Variants in BSPRY observed in about 807,000 individuals in gnomAD.
BSPRY encodes B-box and SPRY domain containing, also known as B box and SPRY domain-containing protein.
Under a neutral mutation model 38.0 loss-of-function variants are expected in BSPRY, and 33 were observed. The observed-to-expected ratio is 0.87, with a 90% CI of 0.66 to 1.16. The LOEUF (loss-of-function observed/expected upper bound fraction) is 1.16, where lower values mean the gene tolerates loss of function less well. Ranked by LOEUF, BSPRY falls within the 50% of genes most tolerant of loss-of-function variation. The probability of loss-of-function intolerance (pLI) is 0.00; values close to 1 mark genes in which losing one functional copy is unlikely to be tolerated. For missense variants in BSPRY, 523 were observed against 533.2 expected, an observed-to-expected ratio of 0.98 and a Z score of 0.19; for synonymous variants, 224 against 228.5, an observed-to-expected ratio of 0.98 and a Z score of 0.18.
chr9:113,362,116 G>A (rs536491637), intron 3 of BSPRY, among the ~76,000 whole-genome samples: 1 of 152,124 alleles, frequency 6.6e-6, no homozygotes, highest in African/African-American at 2.4e-5. Context: ...GGAGTTGAGG[G>A]GAATCCAGGA....
chr9:113,363,488 C>T (rs1834188150), intron 4 of BSPRY, among the ~76,000 whole-genome samples: 1 of 152,076 alleles, frequency 6.6e-6, no homozygotes, highest in Non-Finnish European at 1.5e-5. Context: ...ATTACCCTTT[C>T]CCAATCCTAT....
At position 113,369,774 on chromosome 9, in the gene BSPRY, T is replaced by G. The variant is rs552798374; in HGVS notation, c.841T>G (p.Phe281Val). Residue 281 changes from phenylalanine to valine, a missense_variant, in exon 6 of 6, where the codon TTC becomes GTC. By Grantham distance (50) the Phe-to-Val change is conservative. Coordinates refer to ENST00000374183, the MANE Select transcript of BSPRY (RefSeq NM_017688.3). ...GCCCAATGCCCTGGCTGCCACCTCCTTCCAGAATGGGCTCCATGCCTGGAT... is the reference window on the plus strand; with the variant it reads ...GCCCAATGCCCTGGCTGCCACCTCCGTCCAGAATGGGCTCCATGCCTGGAT... The part of the protein sequence containing the change: ...HWPNALAATS[F>V]QNGLHAWMVN... The G allele has an allele frequency of 6.2e-7, 1 of 1,614,224 alleles. No individual in the cohort carries two copies. Among genetic ancestry groups the G allele is most frequent in the East Asian group, 2.2e-5 (1 of 44,884 alleles).
intron 4 of BSPRY, among the ~76,000 whole-genome samples, chr9:113,364,947 G>GT (rs144272713): frequency 0.021 from 2,767 of 134,526 alleles, 91 homozygotes; most frequent in East Asian, 0.19. Flanking sequence ...TCCTTAGCTT[G>GT]TTTTTTTTTT....
At position 113,354,356 on chromosome 9, in the gene BSPRY, C is replaced by G; in HGVS notation, c.300+18C>G. ...GAGCAGTGGTAATTCCTCTTCTTTC[C>G]TCTCTACTCAGCCCCCTCCCAGGAT... On this transcript the variant is annotated intron_variant, in intron 2 of 5. Coordinates refer to ENST00000374183, the MANE Select transcript of BSPRY (RefSeq NM_017688.3). 2 of 1,603,134 alleles carry G rather than the reference C, an allele frequency of 1.2e-6. No homozygotes were observed. Among genetic ancestry groups the G allele is most frequent in the African/African-American group, 1.3e-5 (1 of 74,760 alleles).
chr9:113,369,995 G>C lies in BSPRY; in HGVS notation c.1062G>C (p.Leu354=), dbSNP rs3750529. The change falls in exon 6 of 6, where the codon CTG becomes CTC. Residue 354 remains leucine (L), a synonymous_variant. Transcript: ENST00000374183. ...PLGLLRGPAQ[L]GVVLDLQVQE... ...GGCTGCTGCGGGGCCCAGCCCAGCT[G>C]GGTGTAGTGCTGGACTTGCAGGTTC... The C allele has an allele frequency of 1.9e-6, 3 of 1,614,118 alleles. No individual in the cohort carries two copies. Among genetic ancestry groups the C allele is most frequent in the Non-Finnish European group, 2.5e-6 (3 of 1,180,036 alleles).
chr9:113,365,106 G>T, intron 4 of BSPRY, among the ~76,000 whole-genome samples: 1 of 152,126 alleles, frequency 6.6e-6, no homozygotes, highest in African/African-American at 2.4e-5. Flanking sequence ...ATCATATCTG[G>T]GGGCACATGA....
At chr9:113,353,897 A>G (rs1018268210) in intron 1 of BSPRY, among the ~76,000 whole-genome samples, 1 of 152,186 alleles carries the variant, frequency 6.6e-6, no homozygotes, top group Non-Finnish European at 1.5e-5. Flanking sequence ...TAAAGTTATT[A>G]TAATGATAGG....
chr9:113,360,986 CCATCCTTGATATCTGAT>C (rs920249352), intron 3 of BSPRY, among the ~76,000 whole-genome samples: 8 of 152,092 alleles, frequency 5.3e-5, no homozygotes, highest in Non-Finnish European at 1.0e-4. Flanking sequence ...CCAGAAACCC[CCATCCTTGATATCTGAT>C]CATCCTTGAT....
chr9:113,360,916 A>G (rs1834142965), intron 3 of BSPRY, among the ~76,000 whole-genome samples, 179 bp downstream of exon 3: 1 of 152,192 alleles, frequency 6.6e-6, no homozygotes, highest in Non-Finnish European at 1.5e-5. Flanking sequence ...TCCCAGGCCC[A>G]TCTGTGCACT....
chr9:113,364,649 CCTATTTAT>C (rs1834216486), intron 4 of BSPRY, among the ~76,000 whole-genome samples: 1 of 151,684 alleles, frequency 6.6e-6, no homozygotes, highest in Non-Finnish European at 1.5e-5. Flanking sequence ...TCTCTGTCTT[CCTATTTAT>C]CTATCTAGTA....
At chr9:113,364,423 TTCTC>T (rs1230452334) in intron 4 of BSPRY, among the ~76,000 whole-genome samples, 2 of 152,226 alleles carry the variant, frequency 1.3e-5, no homozygotes, top group Non-Finnish European at 2.9e-5. Flanking sequence ...TCTGCCCATC[TTCTC>T]TATCTCCTTT....
intron 4 of BSPRY, among the ~76,000 whole-genome samples, chr9:113,367,917 A>T (rs551027148): frequency 6.6e-6 from 1 of 151,666 alleles, no homozygotes; most frequent in South Asian, 2.1e-4. Flanking sequence ...TGCAGCCTCG[A>T]ACTCCTGGGC....
chr9:113,359,728 T>C (rs1254755425), intron 2 of BSPRY, among the ~76,000 whole-genome samples: 1 of 152,094 alleles, frequency 6.6e-6, no homozygotes, highest in Non-Finnish European at 1.5e-5. Flanking sequence ...GAAGAGATCT[T>C]TTACTAAGTC....
intron 2 of BSPRY, among the ~76,000 whole-genome samples, chr9:113,357,765 G>A (rs1180066543): frequency 6.6e-6 from 1 of 150,902 alleles, no homozygotes; most frequent in South Asian, 2.1e-4. Flanking sequence ...CTGAAATGCA[G>A]TGGCGCAATC....
At position 113,362,365 on chromosome 9, in the gene BSPRY, A is replaced by G. The variant is rs754533327; in HGVS notation, c.532-4A>G. On this transcript the variant is annotated splice_polypyrimidine_tract_variant and splice_region_variant and intron_variant, in intron 3 of 5. Coordinates refer to ENST00000374183, the MANE Select transcript of BSPRY (RefSeq NM_017688.3). ...AAGCTTGACTTTGTTTTCTTTTCTC[A>G]CAGCAGAAGGAGCAAGAGATTTTCG... 1.9e-6 allele frequency: 3 copies of G among 1,613,922 alleles called. No individual in the cohort carries two copies. The highest frequency in any genetic ancestry group is 1.7e-5 in the Admixed American group (1 of 59,984).
chr9:113,352,787 C>G (rs1199395302), intron 1 of BSPRY, among the ~76,000 whole-genome samples: 2 of 152,082 alleles, frequency 1.3e-5, no homozygotes, highest in African/African-American at 4.8e-5. Flanking sequence ...GCAGGGTACC[C>G]AGTTAAGAGG....
chr9:113,349,563 G>C lies in BSPRY; in HGVS notation c.-17G>C. 2 of 1,138,568 alleles carry C rather than the reference G, an allele frequency of 1.8e-6. No individual in the cohort carries two copies. Among genetic ancestry groups the C allele is most frequent in the Non-Finnish European group, 2.2e-6 (2 of 929,164 alleles). 70.5% of individuals were successfully genotyped at this position (1,138,568 alleles called of 1,614,324 possible). A position where few individuals can be genotyped will look rare whatever the true frequency, so the allele number is the denominator to read the frequency against. On this transcript the variant is annotated 5_prime_UTR_variant, in exon 1 of 6. Transcript: ENST00000374183. ...GCCACCTGCGACAGGTGGAGCGCAC[G>C]GGGCGGGCGCACGGCCATGTCCGCC...
chr9:113,350,288 G>C (rs529928159), intron 1 of BSPRY, among the ~76,000 whole-genome samples: 2 of 152,058 alleles, frequency 1.3e-5, no homozygotes, highest in African/African-American at 4.8e-5. Flanking sequence ...TGGACTCAAA[G>C]CCCCCCTCCT....
intron 1 of BSPRY, among the ~76,000 whole-genome samples, chr9:113,351,260 GC>G (rs1283766921): frequency 2.6e-5 from 4 of 152,130 alleles, no homozygotes; most frequent in African/African-American, 9.7e-5. Context: ...TATCTCCTTT[GC>G]CTGAAGGGAG....
Sources: allele counts gnomAD v4.1 joint callset (sites outside exome capture counted in the v4.1 genomes callset), GRCh38; gene constraint gnomAD v4.1.1; transcripts MANE v1.5; gene names NCBI Gene and HGNC (gene_info 2026-07-23, HGNC 2026-07-21).